The following CLIP4 variants were observed in gnomAD, a reference collection of about 807,000 sequenced individuals.
CLIP4 encodes the protein CAP-Gly domain containing linker protein family member 4.
A neutral mutation model predicts 73.1 loss-of-function variants in CLIP4; 47 were observed. That is an observed-to-expected ratio of 0.64 (90% CI 0.51 to 0.82). The LOEUF is 0.82. Among genes scored for constraint, CLIP4 ranks in the 40% least tolerant of loss-of-function variants. The pLI is 0.00. For missense variants in CLIP4, 874 were observed against 852.9 expected (o/e 1.02, Z -0.31); for synonymous variants, 306 against 295.4 (o/e 1.04, Z -0.37).
intron 3 of CLIP4, 74 bp downstream of exon 3, chr2:29,131,471 AG>A: frequency 6.9e-7 from 1 of 1,457,828 alleles, no homozygotes; most frequent in Non-Finnish European, 9.2e-7. Flanking sequence ...CCCATCTGAA[AG>A]GAAGATGGTA....
chr2:29,175,064 C>T (rs1008687053), intron 15 of CLIP4, among the ~76,000 whole-genome samples: 3 of 151,970 alleles, frequency 2.0e-5, no homozygotes, highest in African/African-American at 7.3e-5. Flanking sequence ...TGAATAATAC[C>T]CTGGGGGAAA....
Position 29,157,235 on chromosome 2 carries a change from C to A in CLIP4, c.1287C>A (p.Ser429=). ...VALLGSVSSC[S]STSSLEHRQS... ...TGCTTGGATCTGTCAGCAGCTGCTC[C>A]TCTACATCTTCTTTGGAACACAGAC... The change falls in exon 11 of 16, where the codon TCC becomes TCA. Residue 429 remains serine (S), a synonymous_variant. Transcript: ENST00000320081. The A allele has an allele frequency of 6.2e-7, 1 of 1,614,056 alleles. No individual in the cohort carries two copies. The highest frequency in any genetic ancestry group is 8.5e-7 in the Non-Finnish European group (1 of 1,179,966).
chr2:29,143,535 T>C (rs1665928957), intron 6 of CLIP4, among the ~76,000 whole-genome samples, 174 bp from the exon 7 acceptor site: 1 of 152,202 alleles, frequency 6.6e-6, no homozygotes. Flanking sequence ...TTTTTTTCAC[T>C]GTAGGATCTT....
intron 1 of CLIP4, among the ~76,000 whole-genome samples, chr2:29,102,711 C>T (rs370689485): frequency 1.3e-5 from 2 of 152,018 alleles, no homozygotes; most frequent in African/African-American, 2.4e-5. Flanking sequence ...CTGCAATCTC[C>T]GCCTCCCAGG....
intron 12 of CLIP4, among the ~76,000 whole-genome samples, chr2:29,160,937 A>T (rs1667248027): frequency 6.6e-6 from 1 of 152,078 alleles, no homozygotes; most frequent in African/African-American, 2.4e-5. Flanking sequence ...TATTCATTCC[A>T]ATCTATACGT....
chr2:29,133,478 TTA>T (rs1328412890), intron 4 of CLIP4, among the ~76,000 whole-genome samples, 175 bp from the exon 5 acceptor site: 1 of 152,248 alleles, frequency 6.6e-6, no homozygotes, highest in African/African-American at 2.4e-5. Flanking sequence ...AGCCAAGTGT[TTA>T]TCTGTATCCC....
chr2:29,164,959 T>C (rs937609847), intron 13 of CLIP4, among the ~76,000 whole-genome samples: 4 of 152,216 alleles, frequency 2.6e-5, no homozygotes, highest in African/African-American at 7.2e-5. Flanking sequence ...GATCCTAATA[T>C]TGATCAGGTA....
intron 8 of CLIP4, among the ~76,000 whole-genome samples, chr2:29,149,331 A>G (rs1659617448): frequency 6.6e-6 from 1 of 152,166 alleles, no homozygotes; most frequent in Admixed American, 6.5e-5. Context: ...GAAAAACAAA[A>G]AGTAGGTAGA....
At chr2:29,155,506 T>C (rs142935299) in intron 9 of CLIP4, among the ~76,000 whole-genome samples, 300 of 152,266 alleles carry the variant, frequency 2.0e-3, no homozygotes, top group Non-Finnish European at 3.5e-3. Context: ...ATTATACTTA[T>C]TATACCACAG....
chr2:29,115,522 G>A lies in CLIP4; in HGVS notation c.-159G>A, dbSNP rs1663727345. ...CACCCCGCGTGGGAGGCAGCGGGAG[G>A]GGCCCGGAGAGGTGTGGAGCGGCGC... On this transcript the variant is annotated 5_prime_UTR_variant, in exon 1 of 16. Transcript: ENST00000320081. The surrounding 1 kb of genome is among the most constrained non-coding windows in gnomAD (Gnocchi z 5.1). The A allele has an allele frequency of 6.8e-6, 1 of 148,096 alleles. No homozygotes were observed. The highest frequency in any genetic ancestry group is 1.5e-5 in the Non-Finnish European group (1 of 66,402). The allele number at this position is 148,096 out of a possible 1,614,324, so 9.2% of individuals were successfully genotyped here.
chr2:29,164,087 C>A (rs188785223), intron 13 of CLIP4, 133 bp downstream of exon 13: 1 of 765,668 alleles, frequency 1.3e-6, no homozygotes, highest in East Asian at 2.7e-5. Flanking sequence ...TAACCAACCA[C>A]CTTCTTCAGA....
chr2:29,117,759 G>A (rs2148454640), intron 1 of CLIP4, among the ~76,000 whole-genome samples: 1 of 152,336 alleles, frequency 6.6e-6, no homozygotes, highest in Middle Eastern at 3.4e-3. Context: ...ATAGGACTCA[G>A]CTGTCCTTGG....
At chr2:29,144,215 G>A (rs2147996387) in intron 7 of CLIP4, among the ~76,000 whole-genome samples, 1 of 152,284 alleles carries the variant, frequency 6.6e-6, no homozygotes, top group African/African-American at 2.4e-5. Flanking sequence ...AGAAGCATGA[G>A]CTAAGGGATG....
exon 1 of CLIP4, chr2:29,097,848 A>G (rs1667919326): frequency 6.6e-6 from 1 of 152,244 alleles, no homozygotes; most frequent in Non-Finnish European, 1.5e-5. Context: ...TGCACTCCCA[A>G]CCAACACGCT....
At chr2:29,133,894 A>G in intron 5 of CLIP4, 78 bp downstream of exon 5, 2 of 1,277,026 alleles carry the variant, frequency 1.6e-6, no homozygotes, top group South Asian at 3.3e-5. Flanking sequence ...ATTCAAGGAT[A>G]TTTTTTCCTT....
chr2:29,139,340 T>A (rs1194615177), intron 6 of CLIP4, among the ~76,000 whole-genome samples: 2 of 152,070 alleles, frequency 1.3e-5, no homozygotes, highest in Non-Finnish European at 2.9e-5. Flanking sequence ...TTGCATGACT[T>A]GATCACGGTG....
chr2:29,140,528 T>C (rs895835010), intron 6 of CLIP4, among the ~76,000 whole-genome samples: 42 of 152,332 alleles, frequency 2.8e-4, no homozygotes, highest in African/African-American at 7.5e-4. Flanking sequence ...TGAATAGTGC[T>C]GCAATAAACA....
At position 29,143,748 on chromosome 2, in the gene CLIP4, C is replaced by G; in HGVS notation, c.688C>G (p.Pro230Ala). 1 of 1,613,766 alleles carries G rather than the reference C, an allele frequency of 6.2e-7. No homozygotes were observed. Among genetic ancestry groups the G allele is most frequent in the East Asian group, 2.2e-5 (1 of 44,870 alleles). The change falls in exon 7 of 16, where the codon CCA (proline) becomes GCA (alanine). Residue 230 changes from proline to alanine, a missense_variant. Transcript: ENST00000320081. ...GATCCCTGCTGATGTTGTTCCAGACCCAGTAGATATGCCGTTAGAGATGGC... is the reference window on the plus strand; with the variant it reads ...GATCCCTGCTGATGTTGTTCCAGACGCAGTAGATATGCCGTTAGAGATGGC... ...GQIPADVVPD[P>A]VDMPLEMADA...
At position 29,135,545 on chromosome 2, in the gene CLIP4, C is replaced by T; in HGVS notation, c.530-3C>T. On this transcript the variant is annotated splice_region_variant and splice_polypyrimidine_tract_variant and intron_variant, in intron 5 of 15. Coordinates refer to ENST00000320081, the MANE Select transcript of CLIP4 (RefSeq NM_024692.6). ...TTAATATACTTATGATGTTTAATTG[C>T]AGATGTGGATGCCACTTGCAGTGAT... The T allele has an allele frequency of 6.3e-7, 1 of 1,593,884 alleles. No homozygotes were observed. Among genetic ancestry groups the T allele is most frequent in the Admixed American group, 1.7e-5 (1 of 57,200 alleles).
Sources: allele counts gnomAD v4.1 joint callset (sites outside exome capture counted in the v4.1 genomes callset), GRCh38; gene constraint gnomAD v4.1.1; non-coding constraint Gnocchi (gnomAD v3.1); transcripts MANE v1.5; gene names NCBI Gene and HGNC (gene_info 2026-07-23, HGNC 2026-07-21).